The following HDAC4 variants were observed in gnomAD, a reference collection of about 807,000 sequenced individuals.
The protein encoded by HDAC4 is histone deacetylase A.
HDAC4 carries 16 observed loss-of-function variants against 135.1 expected under a neutral mutation model. The ratio of observed to expected loss-of-function variants is 0.12; its 90% CI spans 0.08 to 0.18. HDAC4 has a LOEUF of 0.18. HDAC4 is among the 10% of genes least tolerant of loss of function. HDAC4 has a pLI of 1.00. For synonymous variants in HDAC4, 685 were observed against 653.4 expected (o/e 1.05, Z -0.74); for missense variants, 1,143 against 1,511.8 (o/e 0.76, Z 4.05).
Position 239,064,688 on chromosome 2 carries a change from C to T in HDAC4, c.3003+2034G>A, listed in dbSNP as rs533292312. Among the ~76,000 whole-genome samples the T allele has an allele frequency of 2.0e-5, 3 of 152,354 alleles. No individual in the cohort carries two copies. The East Asian group carries it at 5.8e-4, about 29-fold the overall frequency. ...TGGAAAGCAACCTGCTTCCCAGGGA[C>T]AGACGGCAGAGGTGGTGGAGGTGGG... is the stretch of plus-strand genomic sequence containing the variant. On this transcript the variant is annotated intron_variant, in intron 24 of 26. Coordinates refer to ENST00000543185, the MANE Select transcript of HDAC4 (RefSeq NM_001378414.1).
chr2:239,282,370 A>G (rs1224123779), intron 2 of HDAC4, among the ~76,000 whole-genome samples: 20 of 147,714 alleles, frequency 1.4e-4, no homozygotes, highest in Non-Finnish European at 2.8e-4. Flanking sequence ...CCACTCTACA[A>G]TGCACACACC....
chr2:239,138,411 C>A (rs1363633930), intron 9 of HDAC4, among the ~76,000 whole-genome samples: 1 of 152,178 alleles, frequency 6.6e-6, no homozygotes, highest in African/African-American at 2.4e-5. Flanking sequence ...TAAGATTTGC[C>A]AATCCTTTGG....
At chr2:239,235,312 G>C (rs2047823511) in intron 3 of HDAC4, among the ~76,000 whole-genome samples, 2 of 152,162 alleles carry the variant, frequency 1.3e-5, no homozygotes, top group Admixed American at 1.3e-4. Context: ...TGGCCGACTT[G>C]GAAGAATCAC....
chr2:239,094,363 G>A lies in HDAC4; in HGVS notation c.2280+647C>T, dbSNP rs1283505441. 3.0e-6 allele frequency: 3 copies of A among 985,330 alleles called. No homozygotes were observed. The East Asian group carries it at 3.4e-4, about 112-fold the overall frequency. 61.0% of individuals were successfully genotyped at this position (985,330 alleles called of 1,614,324 possible). A position where few individuals can be genotyped will look rare whatever the true frequency, so the allele number is the denominator to read the frequency against. On this transcript the variant is annotated intron_variant, in intron 17 of 26. Transcript: ENST00000543185. ...GGACGGATGGGCAGATGCCCAGACT[G>A]GAAAGTCCTTGTGAACTTATGCGCC...
chr2:239,231,666 G>A (rs886719472), intron 3 of HDAC4, among the ~76,000 whole-genome samples: 2 of 68,384 alleles, frequency 2.9e-5, no homozygotes, highest in African/African-American at 9.0e-5. Context: ...CTCAACCGAG[G>A]CTGCTGAGCA....
chr2:239,266,607 G>T (rs984061187), intron 2 of HDAC4, among the ~76,000 whole-genome samples: 3 of 152,216 alleles, frequency 2.0e-5, no homozygotes, highest in African/African-American at 7.2e-5. Flanking sequence ...CACTGGCCAA[G>T]AAATCATCAT....
intron 1 of HDAC4, among the ~76,000 whole-genome samples, chr2:239,386,849 T>C (rs1040582114): frequency 6.6e-6 from 1 of 152,164 alleles, no homozygotes; most frequent in African/African-American, 2.4e-5. Context: ...GTGAGAACTG[T>C]GCATGAGAGA....
chr2:239,201,494 G>GC (rs2045753296), intron 3 of HDAC4, among the ~76,000 whole-genome samples: 1 of 152,196 alleles, frequency 6.6e-6, no homozygotes, highest in Admixed American at 6.5e-5. Context: ...CAAAGGCCAG[G>GC]CCCCCCTGTA....
At chr2:239,328,267 GCCTCTTCACGGGTACCCCA>G (rs2053527970) in intron 2 of HDAC4, among the ~76,000 whole-genome samples, 1 of 152,198 alleles carries the variant, frequency 6.6e-6, no homozygotes, top group African/African-American at 2.4e-5. Context: ...CAGGCTTCTG[GCCTCTTCACGGGTACCCCA>G]GATGAAAAAT....
chr2:239,221,986 T>A (rs1392783394), intron 3 of HDAC4, among the ~76,000 whole-genome samples: 1 of 152,236 alleles, frequency 6.6e-6, no homozygotes, highest in African/African-American at 2.4e-5. Flanking sequence ...CAAATTTGAT[T>A]CGAACAGAAA....
At position 239,053,030 on chromosome 2, in the gene HDAC4, G is replaced by A; in HGVS notation, c.*67C>T. The A allele has an allele frequency of 6.3e-7, 1 of 1,591,070 alleles. No homozygotes were observed. Among genetic ancestry groups the A allele is most frequent in the South Asian group, 1.1e-5 (1 of 90,612 alleles). On this transcript the variant is annotated 3_prime_UTR_variant, in exon 27 of 27. Transcript: ENST00000543185. ...ACGGTGGGACGCAGGCGTGACACGG[G>A]AAAGTTTCTTGGCTGAGCTTCAAGA...
rs1009868437 is a variant in HDAC4 at position 239,299,694 on chromosome 2, C to T, written c.22+52984G>A. Among the ~76,000 whole-genome samples, 1 of 152,234 alleles carries T rather than the reference C, an allele frequency of 6.6e-6. No homozygotes were observed. On this transcript the variant is annotated intron_variant, in intron 2 of 26. Transcript: ENST00000543185. The surrounding 1 kb of genome is among the most constrained non-coding windows in gnomAD (Gnocchi z 4.0). ...CATGGGTAGAATCACGGAGCAAGGT[C>T]CTGCCCACCTGCACTGGTGGCCTCC... is the stretch of plus-strand genomic sequence containing the variant.
Position 239,400,678 on chromosome 2 carries a change from G to C in HDAC4, c.-220+300C>G, listed in dbSNP as rs1027064105. On this transcript the variant is annotated intron_variant, in intron 1 of 26. Coordinates refer to ENST00000543185, the MANE Select transcript of HDAC4 (RefSeq NM_001378414.1). The surrounding 1 kb of genome is among the most constrained non-coding windows in gnomAD (Gnocchi z 4.7). ...GACAATGGCCCGCGGGCGCCGGGCCGGGGCTGCGCTTACCGCGGCGGGCGG... is the reference window on the plus strand; with the variant it reads ...GACAATGGCCCGCGGGCGCCGGGCCCGGGCTGCGCTTACCGCGGCGGGCGG... 26 of 146,658 alleles carry C rather than the reference G, an allele frequency of 1.8e-4. No homozygotes were observed. The highest frequency in any genetic ancestry group is 5.9e-4 in the African/African-American group (24 of 40,800). The allele number at this position is 146,658 out of a possible 1,614,324, so 9.1% of individuals were successfully genotyped here.
intron 2 of HDAC4, among the ~76,000 whole-genome samples, chr2:239,283,671 C>T (rs992866578): frequency 6.6e-6 from 1 of 152,202 alleles, no homozygotes; most frequent in African/African-American, 2.4e-5. Context: ...TAGCTAATTT[C>T]GTTTTCATAA....
At chr2:239,089,101 A>G (rs2036256176) in intron 18 of HDAC4, among the ~76,000 whole-genome samples, 1 of 152,146 alleles carries the variant, frequency 6.6e-6, no homozygotes, top group Admixed American at 6.6e-5. Context: ...TTTTCAAGAC[A>G]CTACCACTTG....
chr2:239,111,797 G>C (rs1559449662), intron 13 of HDAC4, 85 bp from the exon 14 acceptor site: 2 of 1,300,096 alleles, frequency 1.5e-6, no homozygotes, highest in African/African-American at 1.5e-5. Context: ...TCTCTTGCAA[G>C]TCTCCCGTCC....
intron 16 of HDAC4, among the ~76,000 whole-genome samples, chr2:239,095,684 C>T (rs1203305608): frequency 1.3e-5 from 2 of 152,202 alleles, no homozygotes; most frequent in East Asian, 1.9e-4. Flanking sequence ...GAAACCCCCA[C>T]CCCACTGCTC....
At chr2:239,304,273 G>T (rs1361043285) in intron 2 of HDAC4, among the ~76,000 whole-genome samples, 1 of 152,166 alleles carries the variant, frequency 6.6e-6, no homozygotes, top group African/African-American at 2.4e-5. Context: ...TGAGCTCGGG[G>T]GAAGGAGTCC....
At chr2:239,147,556 T>C (rs1323319329) in intron 7 of HDAC4, among the ~76,000 whole-genome samples, 1 of 152,238 alleles carries the variant, frequency 6.6e-6, no homozygotes, top group African/African-American at 2.4e-5. Flanking sequence ...GGCCTTCCAC[T>C]CATTCCAGGC....
Sources: gnomAD v4.1 joint callset for allele counts (sites outside exome capture counted in the v4.1 genomes callset) on GRCh38, gnomAD v4.1.1 for gene constraint, Gnocchi (gnomAD v3.1) non-coding constraint, MANE v1.5 for transcripts, NCBI Gene and HGNC (gene_info 2026-07-23, HGNC 2026-07-21) for gene names.